STK33: variants seen among roughly 807,000 people sequenced by gnomAD.
STK33 encodes serine/threonine-protein kinase 33.
Under a neutral mutation model 58.0 loss-of-function variants are expected in STK33, and 52 were observed. The observed-to-expected ratio is 0.90, with a 90% CI of 0.72 to 1.13. The LOEUF (loss-of-function observed/expected upper bound fraction) is 1.13, where lower values mean the gene tolerates loss of function less well. STK33 is among the 50% of genes most tolerant of loss of function. The probability of loss-of-function intolerance (pLI) is 0.00; values close to 1 mark genes in which losing one functional copy is unlikely to be tolerated. For missense variants in STK33, 630 were observed against 604.2 expected, an observed-to-expected ratio of 1.04 and a Z score of -0.45; for synonymous variants, 215 against 200.1, an observed-to-expected ratio of 1.07 and a Z score of -0.63.
At chr11:8,439,789 C>T (rs186841181) in intron 12 of STK33, among the ~76,000 whole-genome samples, 1 of 148,332 alleles carries the variant, frequency 6.7e-6, no homozygotes, top group Non-Finnish European at 1.5e-5. Flanking sequence ...CCATGCCATG[C>T]CATGCCAAGA....
intron 1 of STK33, among the ~76,000 whole-genome samples, chr11:8,528,776 T>A (rs1954268737): frequency 6.6e-6 from 1 of 152,222 alleles, no homozygotes; most frequent in Admixed American, 6.5e-5. Context: ...TTCTGTGGTA[T>A]GGCTGGAGTA....
intron 1 of STK33, among the ~76,000 whole-genome samples, chr11:8,506,276 C>T (rs1421629536): frequency 6.6e-6 from 1 of 152,176 alleles, no homozygotes; most frequent in East Asian, 1.9e-4. Context: ...TAAACAGTTT[C>T]AGCTTCTTTG....
chr11:8,432,133 T>C (rs1048666859), intron 14 of STK33, among the ~76,000 whole-genome samples: 1 of 152,262 alleles, frequency 6.6e-6, no homozygotes, highest in African/African-American at 2.4e-5. Context: ...AAGGAATTAA[T>C]GTTTGAATAT....
intron 1 of STK33, among the ~76,000 whole-genome samples, chr11:8,501,965 T>C (rs910979927): frequency 6.6e-6 from 1 of 152,162 alleles, no homozygotes; most frequent in Non-Finnish European, 1.5e-5. Context: ...TCTATTTATA[T>C]GAAATGTCCA....
the STK33 span, among the ~76,000 whole-genome samples, chr11:8,337,275 G>A: frequency 0.012 from 1,860 of 152,260 alleles, 35 homozygotes; most frequent in African/African-American, 0.04. Flanking sequence ...TGTGATTCCC[G>A]GCCTATTTCT....
intron 1 of STK33, among the ~76,000 whole-genome samples, chr11:8,543,846 T>A (rs12785939): frequency 3.9e-5 from 6 of 151,916 alleles, no homozygotes; most frequent in African/African-American, 9.7e-5. Context: ...TCAAAATATC[T>A]CATGGACCCC....
intron 14 of STK33, among the ~76,000 whole-genome samples, chr11:8,415,717 A>C (rs1432058307): frequency 1.3e-5 from 2 of 152,166 alleles, no homozygotes; most frequent in African/African-American, 2.4e-5. Context: ...AGAAGCCTTA[A>C]AAAGAGTGAC....
chr11:8,473,116 A>C, intron 6 of STK33, 47 bp downstream of exon 6: 1 of 1,244,286 alleles, frequency 8.0e-7, no homozygotes, highest in Non-Finnish European at 1.1e-6. Context: ...CCATTGACTT[A>C]GAAGAAACCT....
At chr11:8,379,741 C>T in the STK33 span, among the ~76,000 whole-genome samples, 1 of 152,038 alleles carries the variant, frequency 6.6e-6, no homozygotes, top group Non-Finnish European at 1.5e-5. Context: ...AGCCTAGTAC[C>T]CATTAGTTAT....
At chr11:8,569,208 A>G (rs187566154) in intron 1 of STK33, among the ~76,000 whole-genome samples, 158 of 152,380 alleles carry the variant, frequency 1.0e-3, no homozygotes, top group African/African-American at 3.7e-3. Flanking sequence ...ATCTTGAAAA[A>G]TAACAAAATT....
chr11:8,347,194 G>A, the STK33 span, among the ~76,000 whole-genome samples: 1 of 152,158 alleles, frequency 6.6e-6, no homozygotes. Context: ...TAAAATGGCA[G>A]CTGAATGCAG....
intron 1 of STK33, among the ~76,000 whole-genome samples, chr11:8,568,586 A>C (rs1957599640): frequency 6.6e-6 from 1 of 152,182 alleles, no homozygotes; most frequent in South Asian, 2.1e-4. Flanking sequence ...TAGACGTTTG[A>C]AGTTTTTTGA....
the STK33 span, among the ~76,000 whole-genome samples, chr11:8,377,206 C>T: frequency 1.3e-5 from 2 of 152,218 alleles, no homozygotes; most frequent in Non-Finnish European, 2.9e-5. Context: ...CCAGTAGATA[C>T]CCCTATAGTT....
chr11:8,344,519 C>T, the STK33 span, among the ~76,000 whole-genome samples: 123 of 152,314 alleles, frequency 8.1e-4, no homozygotes, highest in Admixed American at 2.8e-3. Context: ...CCTTGTTTTA[C>T]AGTTTAGAGG....
chr11:8,455,652 CA>C (rs34666271), intron 9 of STK33, among the ~76,000 whole-genome samples: 2 of 149,606 alleles, frequency 1.3e-5, no homozygotes, highest in African/African-American at 4.9e-5. Flanking sequence ...ACTAAAAATA[CA>C]AAAAAAAATC....
chr11:8,462,472 C>CATAT (rs1554950292), intron 7 of STK33, among the ~76,000 whole-genome samples: 1,774 of 141,844 alleles, frequency 0.013, 40 homozygotes, highest in African/African-American at 0.044. Flanking sequence ...CACACACACA[C>CATAT]ATATATATAT....
chr11:8,427,288 T>C (rs549929567), intron 14 of STK33, among the ~76,000 whole-genome samples: 1 of 152,344 alleles, frequency 6.6e-6, no homozygotes, highest in African/African-American at 2.4e-5. Context: ...GTTAACATAT[T>C]ACTCCAGTTA....
intron 1 of STK33, among the ~76,000 whole-genome samples, chr11:8,559,249 C>A (rs1195021802): frequency 6.6e-6 from 1 of 152,108 alleles, no homozygotes; most frequent in Non-Finnish European, 1.5e-5. Flanking sequence ...CTCACATATC[C>A]CCAACACCTT....
chr11:8,542,467 C>G (rs1955597709), intron 1 of STK33, among the ~76,000 whole-genome samples: 1 of 152,148 alleles, frequency 6.6e-6, no homozygotes, highest in Admixed American at 6.6e-5. Context: ...CTGGCAATGT[C>G]TGGGAACATC....
Sources: allele counts gnomAD v4.1 joint callset (sites outside exome capture counted in the v4.1 genomes callset), GRCh38; gene constraint gnomAD v4.1.1; transcripts MANE v1.5; gene names NCBI Gene and HGNC (gene_info 2026-07-23, HGNC 2026-07-21).